The following LRP1B variants were observed in gnomAD, a reference collection of about 807,000 sequenced individuals.
The protein encoded by LRP1B is LDL receptor related protein 1B.
A neutral mutation model predicts 556.6 loss-of-function variants in LRP1B; 217 were observed. The ratio of observed to expected loss-of-function variants is 0.39; its 90% confidence interval spans 0.35 to 0.44. The LOEUF (loss-of-function observed/expected upper bound fraction) is 0.44. Among genes scored for constraint, LRP1B ranks in the 20% least tolerant of loss-of-function variants. The probability of loss-of-function intolerance (pLI) is 1.00; values close to 1 mark genes in which losing one functional copy is unlikely to be tolerated. For missense variants in LRP1B, 5,053 were observed against 5,620.8 expected, an observed-to-expected ratio of 0.90 and a Z score of 3.23; for synonymous variants, 2,047 against 1,865.8, an observed-to-expected ratio of 1.10 and a Z score of -2.50.
intron 2 of LRP1B, among the ~76,000 whole-genome samples, chr2:141,504,349 T>A (rs16846333): frequency 0.031 from 4,719 of 152,188 alleles, 268 homozygotes; most frequent in African/African-American, 0.1. Context: ...CAGTAAGGCC[T>A]TATTTACTAT....
intron 31 of LRP1B, among the ~76,000 whole-genome samples, chr2:140,836,156 T>C (rs1691895404): frequency 6.6e-6 from 1 of 152,186 alleles, no homozygotes; most frequent in Non-Finnish European, 1.5e-5. Context: ...CTTGAACACA[T>C]ATATAGGAAC....
chr2:140,480,986 C>A (rs1370717779), intron 59 of LRP1B, among the ~76,000 whole-genome samples: 4 of 152,110 alleles, frequency 2.6e-5, no homozygotes, highest in Non-Finnish European at 4.4e-5. Flanking sequence ...TCTGCCTCAG[C>A]CTCCCAGGTA....
intron 25 of LRP1B, among the ~76,000 whole-genome samples, chr2:140,874,307 T>C (rs997627586): frequency 7.2e-5 from 11 of 152,270 alleles, no homozygotes; most frequent in Middle Eastern, 3.4e-3. Context: ...AAAGTTCAAA[T>C]GTATTGCATC....
intron 90 of LRP1B, 63 bp downstream of exon 90, chr2:140,234,723 A>C: frequency 1.4e-6 from 1 of 724,082 alleles, no homozygotes. Flanking sequence ...TCTAGTAATT[A>C]GTCTTTGATT....
chr2:141,855,169 A>G (rs1463064473), intron 1 of LRP1B, among the ~76,000 whole-genome samples: 1 of 152,050 alleles, frequency 6.6e-6, no homozygotes, highest in African/African-American at 2.4e-5. Flanking sequence ...TGAAGCAGCC[A>G]TTTGAAGCTT....
chr2:141,549,935 C>A (rs1685690150), intron 2 of LRP1B, among the ~76,000 whole-genome samples: 1 of 152,204 alleles, frequency 6.6e-6, no homozygotes, highest in Non-Finnish European at 1.5e-5. Flanking sequence ...GCGGAGGTTG[C>A]AGTAAGCCAA....
intron 6 of LRP1B, among the ~76,000 whole-genome samples, chr2:141,203,307 A>C (rs1024893843): frequency 3.9e-5 from 6 of 152,142 alleles, no homozygotes; most frequent in Non-Finnish European, 8.8e-5. Flanking sequence ...CTCACATGCA[A>C]AGACACACAT....
chr2:140,983,956 A>G (rs1487948404), intron 17 of LRP1B, among the ~76,000 whole-genome samples: 1 of 151,890 alleles, frequency 6.6e-6, no homozygotes, highest in Non-Finnish European at 1.5e-5. Context: ...GTCTCATTTA[A>G]TTCCACATAT....
At chr2:141,618,885 C>T (rs1195085092) in intron 2 of LRP1B, among the ~76,000 whole-genome samples, 3 of 152,158 alleles carry the variant, frequency 2.0e-5, no homozygotes, top group Non-Finnish European at 4.4e-5. Flanking sequence ...ATTTTTTCAT[C>T]TTACATAATT....
intron 6 of LRP1B, among the ~76,000 whole-genome samples, chr2:141,213,649 T>C (rs1242686123): frequency 1.3e-5 from 2 of 152,244 alleles, no homozygotes; most frequent in Admixed American, 6.5e-5. Context: ...AATGAAACAT[T>C]GTTGAATGAC....
At chr2:140,293,934 A>G (rs1683501307) in intron 84 of LRP1B, among the ~76,000 whole-genome samples, 1 of 152,156 alleles carries the variant, frequency 6.6e-6, no homozygotes, top group African/African-American at 2.4e-5. Flanking sequence ...TTTGCAGTAA[A>G]AGGTGGGAAG....
chr2:141,176,067 C>T (rs1044405765), intron 7 of LRP1B, among the ~76,000 whole-genome samples: 1 of 152,062 alleles, frequency 6.6e-6, no homozygotes, highest in African/African-American at 2.4e-5. Flanking sequence ...AATGCCTGTA[C>T]CTCCATTGTA....
At chr2:140,326,488 G>A (rs1346303309) in intron 79 of LRP1B, among the ~76,000 whole-genome samples, 1 of 152,124 alleles carries the variant, frequency 6.6e-6, no homozygotes, top group Non-Finnish European at 1.5e-5. Flanking sequence ...CACTTTGGGA[G>A]CCTGAGGCGG....
intron 2 of LRP1B, among the ~76,000 whole-genome samples, chr2:141,503,299 T>C (rs1168208340): frequency 6.7e-6 from 1 of 148,616 alleles, no homozygotes; most frequent in Non-Finnish European, 1.5e-5. Flanking sequence ...TTTTTATATA[T>C]ATATTAGAGT....
intron 3 of LRP1B, among the ~76,000 whole-genome samples, chr2:141,422,090 T>C (rs1249399452): frequency 6.6e-6 from 1 of 152,216 alleles, no homozygotes; most frequent in Admixed American, 6.5e-5. Context: ...TGCAAAGTGA[T>C]ACAATCTTAC....
intron 2 of LRP1B, among the ~76,000 whole-genome samples, chr2:141,742,166 C>T (rs1289968116): frequency 6.6e-6 from 1 of 151,682 alleles, no homozygotes; most frequent in Non-Finnish European, 1.5e-5. Context: ...TGTTTTTATG[C>T]CAGTACCATG....
chr2:141,717,800 G>C (rs533380875), intron 2 of LRP1B, among the ~76,000 whole-genome samples: 1 of 152,312 alleles, frequency 6.6e-6, no homozygotes, highest in Admixed American at 6.5e-5. Flanking sequence ...AATAAGTAAA[G>C]ATTTCAAGGA....
chr2:141,617,925 T>C (rs530998782), intron 2 of LRP1B, among the ~76,000 whole-genome samples: 1 of 152,234 alleles, frequency 6.6e-6, no homozygotes, highest in South Asian at 2.1e-4. Flanking sequence ...AACAAGAACC[T>C]ACAAGCTATT....
chr2:140,633,325 TTG>T (rs1458465807), intron 41 of LRP1B, among the ~76,000 whole-genome samples: 1 of 152,078 alleles, frequency 6.6e-6, no homozygotes, highest in Non-Finnish European at 1.5e-5. Flanking sequence ...ACAAAATCTG[TTG>T]TCTCTTAGAG....
Sources: gnomAD v4.1 joint callset for allele counts (sites outside exome capture counted in the v4.1 genomes callset) on GRCh38, gnomAD v4.1.1 for gene constraint, MANE v1.5 for transcripts, NCBI Gene and HGNC (gene_info 2026-07-23, HGNC 2026-07-21) for gene names.